The following MAP2 variants were observed in gnomAD, a reference collection of about 807,000 sequenced individuals.
MAP2 encodes microtubule associated protein 2.
Under a neutral mutation model 137.6 loss-of-function variants are expected in MAP2, and 14 were observed. The observed-to-expected ratio is 0.10, with a 90% CI of 0.07 to 0.16. MAP2 has a LOEUF of 0.16. MAP2 is among the 10% of genes least tolerant of loss of function. The pLI is 1.00. For synonymous variants in MAP2, 786 were observed against 782.3 expected (o/e 1.00, Z -0.08); for missense variants, 2,088 against 2,191.5 (o/e 0.95, Z 0.94).
intron 2 of MAP2, among the ~76,000 whole-genome samples, chr2:209,575,817 T>C (rs1326718196): frequency 6.6e-6 from 1 of 152,070 alleles, no homozygotes; most frequent in Non-Finnish European, 1.5e-5. Flanking sequence ...GGGGTGAAGT[T>C]AGAAGTAAAT....
At chr2:209,451,506 T>C (rs1436393919) in intron 1 of MAP2, among the ~76,000 whole-genome samples, 1 of 152,212 alleles carries the variant, frequency 6.6e-6, no homozygotes. Flanking sequence ...CTGTTTACAC[T>C]GTTCCCTCCC....
chr2:209,445,673 T>C (rs1383552671), intron 1 of MAP2, among the ~76,000 whole-genome samples: 1 of 151,506 alleles, frequency 6.6e-6, no homozygotes, highest in African/African-American at 2.4e-5. Flanking sequence ...ATCAAGAAAA[T>C]CATGTTCTAC....
intron 2 of MAP2, among the ~76,000 whole-genome samples, chr2:209,510,399 C>A (rs2061583966): frequency 6.6e-6 from 1 of 151,832 alleles, no homozygotes; most frequent in Non-Finnish European, 1.5e-5. Flanking sequence ...TATAAATAGC[C>A]CTGCAATAAA....
At chr2:209,660,825 C>T (rs565658291) in intron 5 of MAP2, among the ~76,000 whole-genome samples, 1 of 149,994 alleles carries the variant, frequency 6.7e-6, no homozygotes, top group East Asian at 2.0e-4. Flanking sequence ...GCTCCGCCTC[C>T]CGGATTCACA....
chr2:209,658,986 A>G (rs1456436231), intron 5 of MAP2, among the ~76,000 whole-genome samples: 2 of 152,300 alleles, frequency 1.3e-5, no homozygotes, highest in East Asian at 1.9e-4. Flanking sequence ...TGCAATTTCC[A>G]TGAGGATATC....
At chr2:209,628,190 C>A (rs891404686) in intron 4 of MAP2, among the ~76,000 whole-genome samples, 3 of 151,936 alleles carry the variant, frequency 2.0e-5, no homozygotes, top group African/African-American at 7.3e-5. Context: ...CATGGTGAAA[C>A]CCCCGTCTCT....
At chr2:209,691,796 G>A (rs2058988778) in intron 7 of MAP2, among the ~76,000 whole-genome samples, 1 of 152,172 alleles carries the variant, frequency 6.6e-6, no homozygotes, top group African/African-American at 2.4e-5. Context: ...TATTTCAATA[G>A]TTGACTCTTT....
intron 5 of MAP2, among the ~76,000 whole-genome samples, chr2:209,666,831 C>T (rs2046533159): frequency 6.6e-6 from 1 of 151,480 alleles, no homozygotes; most frequent in South Asian, 2.1e-4. Context: ...AAGAAAAAAA[C>T]TCCCCCAAAT....
At chr2:209,723,823 G>A (rs1006866013) in intron 13 of MAP2, 38 of 614,928 alleles carry the variant, frequency 6.2e-5, no homozygotes, top group Non-Finnish European at 1.1e-4. Context: ...TCCCTGGTAT[G>A]ATAGCTTGTA....
chr2:209,612,686 C>G (rs1218555706), intron 3 of MAP2, among the ~76,000 whole-genome samples: 2 of 152,068 alleles, frequency 1.3e-5, no homozygotes, highest in Non-Finnish European at 2.9e-5. Flanking sequence ...TACATTATTT[C>G]AAGACTTTTA....
intron 3 of MAP2, among the ~76,000 whole-genome samples, chr2:209,601,400 A>G (rs1416028237): frequency 6.6e-6 from 1 of 152,156 alleles, no homozygotes; most frequent in East Asian, 1.9e-4. Context: ...CTTAACTCCA[A>G]CCATATTTCA....
chr2:209,551,016 G>A (rs1171707698), intron 2 of MAP2, among the ~76,000 whole-genome samples: 2 of 152,024 alleles, frequency 1.3e-5, no homozygotes, highest in East Asian at 3.9e-4. Flanking sequence ...GATCTAATAA[G>A]AGGAAGAAAA....
At chr2:209,442,843 A>C (rs1328166970) in intron 1 of MAP2, among the ~76,000 whole-genome samples, 1 of 151,618 alleles carries the variant, frequency 6.6e-6, no homozygotes, top group Non-Finnish European at 1.5e-5. Flanking sequence ...GAAATGAAAA[A>C]GTCATCCTAG....
At chr2:209,663,471 C>T (rs1582751006) in intron 5 of MAP2, among the ~76,000 whole-genome samples, 1 of 152,128 alleles carries the variant, frequency 6.6e-6, no homozygotes, top group East Asian at 1.9e-4. Context: ...AGTTCAAAAA[C>T]CAGCCAAGCT....
chr2:209,490,671 C>CT (rs1195035434), intron 1 of MAP2, among the ~76,000 whole-genome samples: 1 of 118,118 alleles, frequency 8.5e-6, no homozygotes, highest in Non-Finnish European at 1.7e-5. Flanking sequence ...ATAAAACAGA[C>CT]TTTAAACCAA....
chr2:209,615,345 T>A (rs1580702828), intron 3 of MAP2, among the ~76,000 whole-genome samples: 1 of 152,264 alleles, frequency 6.6e-6, no homozygotes, highest in East Asian at 1.9e-4. Context: ...CAACCTCATG[T>A]CTTAAGAACC....
chr2:209,629,556 T>C (rs1267923898), intron 4 of MAP2, among the ~76,000 whole-genome samples: 1 of 152,192 alleles, frequency 6.6e-6, no homozygotes, highest in African/African-American at 2.4e-5. Context: ...AGCATTCAAC[T>C]CCGCTCCGTG....
intron 2 of MAP2, among the ~76,000 whole-genome samples, chr2:209,578,473 T>C (rs2075708229): frequency 6.6e-6 from 1 of 151,582 alleles, no homozygotes; most frequent in Non-Finnish European, 1.5e-5. Context: ...CCCTGTAGTC[T>C]CATTCTCTCT....
At chr2:209,439,955 A>G (rs957651560) in intron 1 of MAP2, among the ~76,000 whole-genome samples, 1 of 151,496 alleles carries the variant, frequency 6.6e-6, no homozygotes, top group Non-Finnish European at 1.5e-5. Flanking sequence ...TTAAAAAATC[A>G]TGATAAGTTA....
Sources: allele counts gnomAD v4.1 joint callset (sites outside exome capture counted in the v4.1 genomes callset), GRCh38; gene constraint gnomAD v4.1.1; transcripts MANE v1.5; gene names NCBI Gene and HGNC (gene_info 2026-07-23, HGNC 2026-07-21).